The following TRIM67 variants were observed in gnomAD, a reference collection of about 807,000 sequenced individuals.
The protein encoded by TRIM67 is tripartite motif-containing protein 67.
TRIM67 carries 39 observed loss-of-function variants against 71.0 expected under a neutral mutation model. That is an observed-to-expected ratio of 0.55 (90% CI 0.43 to 0.72). TRIM67 has a LOEUF of 0.72. Ranked by LOEUF, TRIM67 falls within the 30% of genes least tolerant of loss-of-function variation. The pLI, the probability that TRIM67 is intolerant of heterozygous loss-of-function variation, is 0.00. For missense variants in TRIM67, 973 were observed against 1,079.2 expected, an observed-to-expected ratio of 0.90 and a Z score of 1.38; for synonymous variants, 481 against 473.9, an observed-to-expected ratio of 1.01 and a Z score of -0.19.
rs147410325 is a variant in TRIM67 at position 231,216,281 on chromosome 1, TTCTC to T, written c.*852_*855del. 2.1e-6 allele frequency: 2 copies of T among 974,726 alleles called. No individual in the cohort carries two copies. Among genetic ancestry groups the T allele is most frequent in the Non-Finnish European group, 2.4e-6 (2 of 820,650 alleles). 60.4% of individuals were successfully genotyped at this position (974,726 alleles called of 1,614,324 possible). On this transcript the variant is annotated 3_prime_UTR_variant, in exon 10 of 10. Coordinates refer to ENST00000366653, the MANE Select transcript of TRIM67 (RefSeq NM_001004342.5). ...TCTTTCGCTCTCTTTCCCTCCCTCC[TTCTC>T]TCTCTCTCTCACACACACACAGGCA...
chr1:231,189,152 C>T (rs940106867), intron 1 of TRIM67, among the ~76,000 whole-genome samples: 1 of 152,136 alleles, frequency 6.6e-6, no homozygotes, highest in African/African-American at 2.4e-5. Context: ...TGGATAAATC[C>T]AACGTGACTT....
chr1:231,215,466 T>C lies in TRIM67; in HGVS notation c.*26T>C, dbSNP rs773043598. ...CCCCGCTCCAGCTCGGCACTGTGCC[T>C]GTGACAGTGACATTCACAGGCAAAA... On this transcript the variant is annotated 3_prime_UTR_variant, in exon 10 of 10. Coordinates refer to ENST00000366653, the MANE Select transcript of TRIM67 (RefSeq NM_001004342.5). 3 of 1,574,992 alleles carry C rather than the reference T, an allele frequency of 1.9e-6. No individual in the cohort carries two copies. The highest frequency in any genetic ancestry group is 3.6e-5 in the Admixed American group (2 of 55,710).
intron 1 of TRIM67, among the ~76,000 whole-genome samples, chr1:231,168,717 G>C (rs1047934183): frequency 3.9e-5 from 6 of 152,162 alleles, no homozygotes; most frequent in African/African-American, 1.4e-4. Context: ...TTAACTACTA[G>C]TTAGGGATCT....
intron 1 of TRIM67, among the ~76,000 whole-genome samples, chr1:231,179,144 T>C (rs1272952058): frequency 6.6e-6 from 1 of 152,180 alleles, no homozygotes; most frequent in East Asian, 1.9e-4. Flanking sequence ...AAGTCCAAAA[T>C]CAAGGTGTCG....
At chr1:231,192,345 A>G (rs1355844835) in intron 1 of TRIM67, among the ~76,000 whole-genome samples, 1 of 152,080 alleles carries the variant, frequency 6.6e-6, no homozygotes, top group Non-Finnish European at 1.5e-5. Context: ...TAGAGACAAC[A>G]GCTCACTATA....
chr1:231,215,851 A>G lies in TRIM67; in HGVS notation c.*411A>G. The G allele has an allele frequency of 2.0e-6, 2 of 1,004,664 alleles. No homozygotes were observed. The highest frequency in any genetic ancestry group is 2.4e-6 in the Non-Finnish European group (2 of 843,168). 62.2% of individuals were successfully genotyped at this position (1,004,664 alleles called of 1,614,324 possible). ...AGCGGCAGTCAGGAGCTGCGCTGTA[A>G]TCCCACGCCCCGGGTGTTGGCCCTC... On this transcript the variant is annotated 3_prime_UTR_variant, in exon 10 of 10. Coordinates refer to ENST00000366653, the MANE Select transcript of TRIM67 (RefSeq NM_001004342.5).
intron 1 of TRIM67, among the ~76,000 whole-genome samples, chr1:231,166,748 G>T (rs1019506327): frequency 2.6e-5 from 4 of 152,190 alleles, no homozygotes; most frequent in African/African-American, 9.7e-5. Flanking sequence ...ATGTGACACT[G>T]AAATCTATTT....
At position 231,202,108 on chromosome 1, in the gene TRIM67, A is replaced by T. The variant is rs947752315; in HGVS notation, c.1534+591A>T. The stretch of plus-strand genomic sequence containing the variant: ...GTGGCTAAGATAATGGAGGAGGAGG[A>T]GGAGGTAATGGTGGAGGAGGAGATG... On this transcript the variant is annotated intron_variant, in intron 5 of 9. Coordinates refer to ENST00000366653, the MANE Select transcript of TRIM67 (RefSeq NM_001004342.5). Among the ~76,000 whole-genome samples, 14 of 46,156 alleles carry T rather than the reference A, an allele frequency of 3.0e-4. 1 individual carries two copies. Among genetic ancestry groups the T allele is most frequent in the Admixed American group, 1.1e-3 (4 of 3,708 alleles). The allele number at this position is 46,156 out of a possible 152,430, so 30.3% of individuals were successfully genotyped here.
chr1:231,196,380 G>A (rs1267222053), intron 1 of TRIM67, among the ~76,000 whole-genome samples: 2 of 152,110 alleles, frequency 1.3e-5, no homozygotes, highest in African/African-American at 4.8e-5. Flanking sequence ...GGCCAAGGTG[G>A]AAGGATCACT....
At chr1:231,174,069 A>G (rs1682679567) in intron 1 of TRIM67, among the ~76,000 whole-genome samples, 1 of 151,750 alleles carries the variant, frequency 6.6e-6, no homozygotes, top group South Asian at 2.1e-4. Flanking sequence ...TCCTTCCAGA[A>G]TTCCAATAAC....
At chr1:231,183,504 T>C (rs1299025547) in intron 1 of TRIM67, among the ~76,000 whole-genome samples, 1 of 152,162 alleles carries the variant, frequency 6.6e-6, no homozygotes, top group African/African-American at 2.4e-5. Context: ...TCCTAGTTAC[T>C]TGGGAGGCTG....
At chr1:231,194,263 G>A (rs1683310047) in intron 1 of TRIM67, among the ~76,000 whole-genome samples, 1 of 152,178 alleles carries the variant, frequency 6.6e-6, no homozygotes. Context: ...ACTTCAACTT[G>A]AAAACTCCTG....
chr1:231,202,237 AG>A (rs1408809100), intron 5 of TRIM67, among the ~76,000 whole-genome samples: 15 of 132,578 alleles, frequency 1.1e-4, no homozygotes, highest in African/African-American at 1.7e-4. Flanking sequence ...GTAGGAGAGG[AG>A]GGGGGGTAGT....
In TRIM67 at chr1:231,163,929, C is replaced by T. The variant is rs372814804; in HGVS notation, c.960C>T (p.Thr320=). The stretch of plus-strand genomic sequence containing the variant: ...GCATGTACTGCGTGAGCTGTCGAAC[C>T]CCGGTGTGTTATCTGTGCCTGGAGG... The part of the protein sequence containing the change: ...NYSMYCVSCR[T]PVCYLCLEEG... Residue 320 remains threonine, a synonymous_variant, in exon 1 of 10, where the codon ACC becomes ACT. Coordinates refer to ENST00000366653, the MANE Select transcript of TRIM67 (RefSeq NM_001004342.5). 80 of 1,585,448 alleles carry T rather than the reference C, an allele frequency of 5.0e-5. No individual in the cohort carries two copies. Among genetic ancestry groups the T allele is most frequent in the Non-Finnish European group, 6.8e-5 (79 of 1,166,312 alleles).
At chr1:231,172,461 A>G (rs1413082711) in intron 1 of TRIM67, among the ~76,000 whole-genome samples, 2 of 152,190 alleles carry the variant, frequency 1.3e-5, no homozygotes, top group African/African-American at 2.4e-5. Flanking sequence ...TATTTTACAT[A>G]TGGCTACAGT....
rs755323729 is a variant in TRIM67 at position 231,209,031 on chromosome 1, A to G, written c.1904A>G (p.Tyr635Cys). The change falls in exon 8 of 10, where the codon TAT (tyrosine) becomes TGT (cysteine). Residue 635 changes from tyrosine (Y) to cysteine (C), a missense_variant. Transcript: ENST00000366653. This position sits in a 1 kb window ranked among gnomAD's most constrained non-coding sequence, Gnocchi z 4.1. ...NDNQTATCSS[Y>C]DDRVVLGTAA... ...AACCAGACAGCCACCTGCAGCAGCT[A>G]TGACGACCGGGTGGTGCTGGGCACA... is the stretch of plus-strand genomic sequence containing the variant. 2 of 1,613,386 alleles carry G rather than the reference A, an allele frequency of 1.2e-6. No individual in the cohort carries two copies. Among genetic ancestry groups the G allele is most frequent in the African/African-American group, 2.7e-5 (2 of 74,916 alleles).
At position 231,209,057 on chromosome 1, in the gene TRIM67, G is replaced by C. The variant is rs745349856; in HGVS notation, c.1930G>C (p.Ala644Pro). ...SYDDRVVLGT[A>P]AFSKGVHYWE... ...TGACGACCGGGTGGTGCTGGGCACA[G>C]CTGCGTTCTCCAAGGGCGTGCACTA... is the stretch of plus-strand genomic sequence containing the variant. The change falls in exon 8 of 10, where the codon GCT becomes CCT. Residue 644 changes from alanine to proline, a missense_variant. Transcript: ENST00000366653. The surrounding 1 kb of genome is among the most constrained non-coding windows in gnomAD (Gnocchi z 4.1). The C allele has an allele frequency of 1.2e-6, 2 of 1,613,952 alleles. No homozygotes were observed. The highest frequency in any genetic ancestry group is 1.7e-6 in the Non-Finnish European group (2 of 1,179,844).
intron 8 of TRIM67, among the ~76,000 whole-genome samples, chr1:231,211,802 G>T (rs1683879742): frequency 1.3e-5 from 2 of 152,206 alleles, no homozygotes; most frequent in Non-Finnish European, 2.9e-5. Context: ...GAGCGGGCGC[G>T]GTGGCTCAAG....
chr1:231,216,574 C>T lies in TRIM67; in HGVS notation c.*1134C>T, dbSNP rs1684018105. ...ATTGTCATTATGAAAGCATCATGAA[C>T]ACAAGTGGCCCCTGTGGCAGGCCGG... On this transcript the variant is annotated 3_prime_UTR_variant, in exon 10 of 10. Transcript: ENST00000366653. The T allele has an allele frequency of 5.1e-6, 5 of 985,428 alleles. No homozygotes were observed. The South Asian group carries it at 1.9e-4, about 37-fold the overall frequency. 61.0% of individuals were successfully genotyped at this position (985,428 alleles called of 1,614,324 possible). A position where few individuals can be genotyped will look rare whatever the true frequency, so the allele number is the denominator to read the frequency against.
Sources: gnomAD v4.1 joint callset for allele counts (sites outside exome capture counted in the v4.1 genomes callset) on GRCh38, gnomAD v4.1.1 for gene constraint, Gnocchi (gnomAD v3.1) non-coding constraint, MANE v1.5 for transcripts, NCBI Gene and HGNC (gene_info 2026-07-23, HGNC 2026-07-21) for gene names.